Variants in EFNA5 observed in about 807,000 individuals in gnomAD.
EFNA5 encodes the protein ephrin A5.
EFNA5 carries 5 observed loss-of-function variants against 22.9 expected under a neutral mutation model. That is an observed-to-expected ratio of 0.22 (90% CI 0.11 to 0.46). The LOEUF (loss-of-function observed/expected upper bound fraction) is 0.46, where lower values mean the gene tolerates loss of function less well. Ranked by LOEUF, EFNA5 falls within the 20% of genes least tolerant of loss-of-function variation. EFNA5 has a pLI of 0.99. For missense variants in EFNA5, 237 were observed against 293.3 expected (o/e 0.81, Z 1.40); for synonymous variants, 113 against 112.2 (o/e 1.01, Z -0.04).
chr5:107,531,980 G>A (rs972961340), intron 1 of EFNA5, among the ~76,000 whole-genome samples: 1 of 152,154 alleles, frequency 6.6e-6, no homozygotes, highest in East Asian at 1.9e-4. Flanking sequence ...GGTCACCAGG[G>A]GTGATGCCTG....
intron 1 of EFNA5, among the ~76,000 whole-genome samples, chr5:107,637,413 A>G (rs1434041217): frequency 1.3e-5 from 2 of 152,078 alleles, no homozygotes; most frequent in African/African-American, 4.8e-5. Context: ...TCATTGGAGA[A>G]TGCTAACAGG....
Sources: gnomAD v4.1 joint callset for allele counts (sites outside exome capture counted in the v4.1 genomes callset) on GRCh38, gnomAD v4.1.1 for gene constraint, MANE v1.5 for transcripts, NCBI Gene and HGNC (gene_info 2026-07-23, HGNC 2026-07-21) for gene names.